CYP2C19: variants seen among roughly 807,000 people sequenced by gnomAD.
CYP2C19 encodes cytochrome P450 family 2 subfamily C member 19.
In CYP2C19, 59 loss-of-function variants were observed where a neutral mutation model predicts 40.9. That is an observed-to-expected ratio of 1.44 (90% CI 1.17 to 1.79). The LOEUF (loss-of-function observed/expected upper bound fraction) is 1.79, where lower values mean the gene tolerates loss of function less well. Ranked by LOEUF, CYP2C19 falls within the 40% of genes most tolerant of loss-of-function variation. The pLI is 0.00. For synonymous variants in CYP2C19, 253 were observed against 208.7 expected (o/e 1.21, Z -1.83); for missense variants, 754 against 596.9 (o/e 1.26, Z -2.74).
intron 6 of CYP2C19, among the ~76,000 whole-genome samples, chr10:94,836,693 GC>G (rs1849408664): frequency 6.6e-6 from 1 of 152,178 alleles, no homozygotes. Context: ...CTCACTGAGG[GC>G]CCTGGTGCCT....
At chr10:94,830,518 G>C (rs959967629) in intron 6 of CYP2C19, among the ~76,000 whole-genome samples, 1 of 152,040 alleles carries the variant, frequency 6.6e-6, no homozygotes, top group Non-Finnish European at 1.5e-5. Flanking sequence ...TTCGGCTCCC[G>C]CAGGGTGCAC....
chr10:94,781,302 A>T (rs976675321), intron 4 of CYP2C19, among the ~76,000 whole-genome samples: 4 of 152,122 alleles, frequency 2.6e-5, no homozygotes, highest in African/African-American at 9.7e-5. Context: ...GTATGATTTT[A>T]CAGAAGTCAT....
chr10:94,827,914 G>T (rs1252350003), intron 6 of CYP2C19, among the ~76,000 whole-genome samples: 3 of 151,578 alleles, frequency 2.0e-5, no homozygotes, highest in Admixed American at 1.3e-4. Context: ...CCTTCATTTC[G>T]TTATGTACCC....
At chr10:94,809,121 G>A (rs1332715715) in intron 5 of CYP2C19, among the ~76,000 whole-genome samples, 2 of 152,112 alleles carry the variant, frequency 1.3e-5, no homozygotes, top group East Asian at 3.9e-4. Flanking sequence ...TTGGATATAA[G>A]CCACTTTAAC....
intron 5 of CYP2C19, among the ~76,000 whole-genome samples, chr10:94,813,493 T>A (rs1021353427): frequency 6.5e-4 from 98 of 151,398 alleles, no homozygotes; most frequent in African/African-American, 2.0e-3. Flanking sequence ...AGAGTAGGAA[T>A]CTAGAGGGGC....
At chr10:94,826,939 G>A (rs535053338) in intron 6 of CYP2C19, among the ~76,000 whole-genome samples, 1 of 152,136 alleles carries the variant, frequency 6.6e-6, no homozygotes, top group Non-Finnish European at 1.5e-5. Context: ...TTTGTCTTTG[G>A]TTCTGTTTAT....
intron 5 of CYP2C19, among the ~76,000 whole-genome samples, chr10:94,807,326 G>A (rs1848848978): frequency 6.6e-6 from 1 of 152,002 alleles, no homozygotes. Context: ...CCATATCTTG[G>A]CTATGGTGAA....
chr10:94,792,948 T>A (rs1848623706), intron 5 of CYP2C19, among the ~76,000 whole-genome samples: 1 of 152,178 alleles, frequency 6.6e-6, no homozygotes, highest in African/African-American at 2.4e-5. Flanking sequence ...CTGAAGAGTG[T>A]TTTCCAACTT....
Position 94,795,033 on chromosome 10 carries a change from G to C in CYP2C19, c.819+13036G>C, listed in dbSNP as rs113230202. On this transcript the variant is annotated intron_variant, in intron 5 of 8. Transcript: ENST00000371321. Reference sequence around the variant, plus strand: ...TATATATATTTTTATACTTTAAGTTGTAGGGTACATGTGCACAATGTGCAG... The same window carrying C: ...TATATATATTTTTATACTTTAAGTTCTAGGGTACATGTGCACAATGTGCAG... 3.1e-3 allele frequency among the ~76,000 whole-genome samples: 472 copies of C among 151,748 alleles called. 3 individuals are homozygous for C. The highest frequency in any genetic ancestry group is 0.011 in the African/African-American group (450 of 41,452).
In CYP2C19 at chr10:94,853,812, C is replaced by T. The variant is rs1298852581; in HGVS notation, c.*898C>T. Among the ~76,000 whole-genome samples, 1 of 152,078 alleles carries T rather than the reference C, an allele frequency of 6.6e-6. No individual in the cohort carries two copies. The highest frequency in any genetic ancestry group is 2.1e-4 in the South Asian group (1 of 4,824). ...CTGCCTGCCTCAGCCTCCCAAAGTG[C>T]TGGGATTACAGGAGTGAGACACTGT... is the stretch of plus-strand genomic sequence containing the variant. On this transcript the variant is annotated 3_prime_UTR_variant, in exon 9 of 9. Coordinates refer to ENST00000371321, the MANE Select transcript of CYP2C19 (RefSeq NM_000769.4).
At chr10:94,783,583 AC>A (rs1295227951) in intron 5 of CYP2C19, among the ~76,000 whole-genome samples, 1 of 152,210 alleles carries the variant, frequency 6.6e-6, no homozygotes, top group African/African-American at 2.4e-5. Flanking sequence ...CCTTGTCAAA[AC>A]CCAATTGACT....
At chr10:94,831,890 A>G (rs748365679) in intron 6 of CYP2C19, among the ~76,000 whole-genome samples, 3 of 152,158 alleles carry the variant, frequency 2.0e-5, no homozygotes, top group Non-Finnish European at 4.4e-5. Context: ...TTTGCTGTGC[A>G]GAAACTTTTT....
At chr10:94,850,769 T>C (rs1222277798) in intron 8 of CYP2C19, among the ~76,000 whole-genome samples, 1 of 152,162 alleles carries the variant, frequency 6.6e-6, no homozygotes, top group East Asian at 1.9e-4. Context: ...ATATTGGCTC[T>C]AAATAAAGGA....
In CYP2C19 at chr10:94,775,497, G is replaced by C. The variant is rs371603566; in HGVS notation, c.439G>C (p.Glu147Gln). The change falls in exon 3 of 9, where the codon GAG becomes CAG. Residue 147 changes from glutamate (E) to glutamine (Q), a missense_variant. Physicochemically the swap from Glu to Gln is conservative, Grantham distance 29. Transcript: ENST00000371321. ...GKRSIEDRVQ[E>Q]EARCLVEELR... ...GAGGAGCATTGAGGACCGTGTTCAA[G>C]AGGAAGCCCGCTGCCTTGTGGAGGA... The C allele has an allele frequency of 3.1e-6, 5 of 1,614,068 alleles. No individual in the cohort carries two copies. Among genetic ancestry groups the C allele is most frequent in the Non-Finnish European group, 4.2e-6 (5 of 1,179,966 alleles).
intron 5 of CYP2C19, among the ~76,000 whole-genome samples, chr10:94,804,738 G>A (rs111892895): frequency 0.032 from 4,816 of 152,176 alleles, 124 homozygotes; most frequent in Middle Eastern, 0.13. Context: ...TCCTCCCCAG[G>A]TATCTTAGAT....
At chr10:94,848,090 C>T (rs1474668254) in intron 7 of CYP2C19, among the ~76,000 whole-genome samples, 1 of 152,172 alleles carries the variant, frequency 6.6e-6, no homozygotes, top group Non-Finnish European at 1.5e-5. Context: ...TATTAGATCC[C>T]ATTTGTCAAT....
At chr10:94,832,926 T>TA (rs1849354665) in intron 6 of CYP2C19, among the ~76,000 whole-genome samples, 1 of 152,194 alleles carries the variant, frequency 6.6e-6, no homozygotes, top group South Asian at 2.1e-4. Flanking sequence ...TGTGATCTCT[T>TA]AAAACTCTTT....
chr10:94,763,906 T>G (rs1848207122), intron 1 of CYP2C19, among the ~76,000 whole-genome samples: 1 of 152,140 alleles, frequency 6.6e-6, no homozygotes, highest in African/African-American at 2.4e-5. Context: ...GATGTTCAGA[T>G]GCATCTGGAG....
At chr10:94,829,999 G>A (rs1347680599) in intron 6 of CYP2C19, among the ~76,000 whole-genome samples, 1 of 152,218 alleles carries the variant, frequency 6.6e-6, no homozygotes, top group Non-Finnish European at 1.5e-5. Flanking sequence ...ACTTGAGGAG[G>A]CAGTCTGCGC....
Sources: allele counts gnomAD v4.1 joint callset (sites outside exome capture counted in the v4.1 genomes callset), GRCh38; gene constraint gnomAD v4.1.1; transcripts MANE v1.5; gene names NCBI Gene and HGNC (gene_info 2026-07-23, HGNC 2026-07-21).